Variants in LRP2BP observed in about 807,000 individuals in gnomAD.
LRP2BP encodes the protein LRP2 binding protein, also known as LRP2-binding protein.
In LRP2BP, 38 loss-of-function variants were observed where a neutral mutation model predicts 45.2. The ratio of observed to expected loss-of-function variants is 0.84; its 90% CI spans 0.65 to 1.10. LRP2BP has a LOEUF of 1.10. Ranked by LOEUF, LRP2BP falls within the 50% of genes least tolerant of loss-of-function variation. LRP2BP has a pLI of 0.00. For missense variants in LRP2BP, 385 were observed against 418.9 expected (o/e 0.92, Z 0.71); for synonymous variants, 153 against 153.9 (o/e 0.99, Z 0.04).
chr4:185,371,339 A>G (rs538093975), intron 7 of LRP2BP, among the ~76,000 whole-genome samples: 5 of 152,062 alleles, frequency 3.3e-5, no homozygotes, highest in Admixed American at 6.6e-5. Context: ...GGAGATTGAG[A>G]CCATCCTGGC....
At chr4:185,374,061 AT>A in intron 6 of LRP2BP, 73 bp downstream of exon 6, 1 of 1,230,824 alleles carries the variant, frequency 8.1e-7, no homozygotes, top group South Asian at 1.3e-5. Flanking sequence ...ATTCCCCACC[AT>A]TTTCTCAAAA....
chr4:185,370,553 A>G (rs2095411342), intron 8 of LRP2BP, 87 bp downstream of exon 8: 21 of 1,387,432 alleles, frequency 1.5e-5, no homozygotes, highest in Non-Finnish European at 2.1e-5. Context: ...GAGTAGAAAA[A>G]ACACTAATCC....
At chr4:185,387,601 C>T (rs1316177034) in intron 1 of LRP2BP, among the ~76,000 whole-genome samples, 1 of 152,180 alleles carries the variant, frequency 6.6e-6, no homozygotes, top group Non-Finnish European at 1.5e-5. Flanking sequence ...AAGTAAGAGA[C>T]TGTGGACCTG....
At chr4:185,375,411 G>A (rs1399825290) in intron 4 of LRP2BP, among the ~76,000 whole-genome samples, 5 of 124,516 alleles carry the variant, frequency 4.0e-5, no homozygotes, top group Admixed American at 2.7e-4. Flanking sequence ...AGCCGAGGTC[G>A]CGCCATTGCA....
At chr4:185,396,718 T>C (rs2095504318), upstream of LRP2BP, 3 of 597,012 alleles carry the variant, frequency 5.0e-6, no homozygotes, top group Admixed American at 6.0e-5. Context: ...GTGGCGGGGC[T>C]GGACAGGGTC....
At chr4:185,376,860 C>A in intron 3 of LRP2BP, 49 bp downstream of exon 3, 1 of 1,374,580 alleles carries the variant, frequency 7.3e-7, no homozygotes, top group South Asian at 1.2e-5. Flanking sequence ...GTCTGAGGAT[C>A]TAACAACAGA....
At chr4:185,377,161 A>C in intron 2 of LRP2BP, 143 bp from the exon 3 acceptor site, 2 of 652,654 alleles carry the variant, frequency 3.1e-6, no homozygotes, top group Non-Finnish European at 5.4e-6. Flanking sequence ...TCCTTAGCTC[A>C]AGGAAGAAAT....
upstream of LRP2BP, chr4:185,397,200 C>T: frequency 3.1e-6 from 5 of 1,613,988 alleles, no homozygotes; most frequent in Non-Finnish European, 4.2e-6. Flanking sequence ...TCAACGCACC[C>T]CCGGATCCCT....
Position 185,395,011 on chromosome 4 carries a change from T to C in LRP2BP, c.-254A>G. On this transcript the variant is annotated 5_prime_UTR_variant, in exon 1 of 9. Transcript: ENST00000505916. ...CCCCCAAATGTACTTATCCTGTTTT[T>C]GTGCATTATAAGCTTTGTTCAGTTT... The C allele has an allele frequency of 1.0e-6, 1 of 985,502 alleles. No individual in the cohort carries two copies. 61.0% of individuals were successfully genotyped at this position (985,502 alleles called of 1,614,324 possible).
At chr4:185,393,257 T>C (rs2095493100) in intron 1 of LRP2BP, among the ~76,000 whole-genome samples, 1 of 152,162 alleles carries the variant, frequency 6.6e-6, no homozygotes, top group African/African-American at 2.4e-5. Flanking sequence ...ATTATTTCAC[T>C]TGCTTTAGAG....
intron 1 of LRP2BP, among the ~76,000 whole-genome samples, chr4:185,390,075 A>G (rs1284785658): frequency 6.6e-6 from 1 of 152,240 alleles, no homozygotes; most frequent in Non-Finnish European, 1.5e-5. Context: ...ATCCAAGTAC[A>G]GAATTCTTTC....
intron 3 of LRP2BP, 28 bp from the exon 4 acceptor site, chr4:185,375,754 A>AT: frequency 6.8e-7 from 1 of 1,463,282 alleles, no homozygotes; most frequent in Non-Finnish European, 9.5e-7. Context: ...ATATTTAATT[A>AT]TTTTTATTAT....
chr4:185,390,549 T>A (rs2095485696), intron 1 of LRP2BP: 1 of 151,874 alleles, frequency 6.6e-6, no homozygotes, highest in Non-Finnish European at 1.5e-5. Context: ...AGAAAAAATA[T>A]TTAATTGAAT....
chr4:185,397,141 T>C (rs1488756266), upstream of LRP2BP: 7 of 1,613,044 alleles, frequency 4.3e-6, no homozygotes, highest in Non-Finnish European at 5.1e-6. Flanking sequence ...ATCTGTTCTC[T>C]TCCTGCAGGT....
At chr4:185,371,982 C>T (rs558149523) in intron 7 of LRP2BP, among the ~76,000 whole-genome samples, 8 of 152,250 alleles carry the variant, frequency 5.3e-5, no homozygotes, top group East Asian at 1.9e-4. Context: ...TCTGTCTCCC[C>T]GACCCACTGC....
chr4:185,391,474 A>G (rs2095488202), intron 1 of LRP2BP, among the ~76,000 whole-genome samples: 4 of 152,238 alleles, frequency 2.6e-5, no homozygotes, highest in Admixed American at 2.6e-4. Flanking sequence ...TCTTCTGTAA[A>G]GAAGCATTGT....
intron 1 of LRP2BP, among the ~76,000 whole-genome samples, chr4:185,392,626 C>A (rs74631039): frequency 1.3e-5 from 2 of 151,650 alleles, no homozygotes; most frequent in African/African-American, 2.4e-5. Context: ...TAAAAAAAAT[C>A]TATGGAAATT....
intron 1 of LRP2BP, among the ~76,000 whole-genome samples, chr4:185,385,020 A>G (rs1009477945): frequency 1.3e-5 from 2 of 151,690 alleles, no homozygotes; most frequent in African/African-American, 4.9e-5. Context: ...TGAAGAGAGG[A>G]AAAGTGTGGG....
intron 8 of LRP2BP, among the ~76,000 whole-genome samples, chr4:185,369,072 G>T (rs536902037): frequency 6.6e-6 from 1 of 152,174 alleles, no homozygotes; most frequent in Non-Finnish European, 1.5e-5. Context: ...GGGATTACAG[G>T]CATGAGCCAC....
Sources: allele counts gnomAD v4.1 joint callset (sites outside exome capture counted in the v4.1 genomes callset), GRCh38; gene constraint gnomAD v4.1.1; transcripts MANE v1.5; gene names NCBI Gene and HGNC (gene_info 2026-07-23, HGNC 2026-07-21).